ZBTB18: variants seen among roughly 807,000 people sequenced by gnomAD.
ZBTB18 encodes the protein zinc finger and BTB domain-containing protein 18.
Under a neutral mutation model 37.7 loss-of-function variants are expected in ZBTB18, and 2 were observed. That is an observed-to-expected ratio of 0.05 (90% CI 0.02 to 0.17). ZBTB18 has a LOEUF of 0.17. ZBTB18 is among the 10% of genes least tolerant of loss of function. The pLI, the probability that ZBTB18 is intolerant of heterozygous loss-of-function variation, is 1.00. For missense variants in ZBTB18, 408 were observed against 686.3 expected, an observed-to-expected ratio of 0.59 and a Z score of 4.53; for synonymous variants, 304 against 276.5, an observed-to-expected ratio of 1.10 and a Z score of -0.99.
rs368207817 is a variant in ZBTB18, at chr1:244,054,489, G to A, written c.715G>A (p.Val239Met). The change falls in exon 2 of 2, where the codon GTG becomes ATG. Residue 239 changes from valine to methionine, a missense_variant. Coordinates refer to ENST00000358704, the MANE Select transcript of ZBTB18 (RefSeq NM_205768.3). The surrounding 1 kb of genome is among the most constrained non-coding windows in gnomAD (Gnocchi z 9.0). Reference sequence around the variant, plus strand: ...TTTGTCCCAGAGGTCTGTCACCTCCGTGAGGGATTCGGCAGATGTTGACTG... The same window carrying A: ...TTTGTCCCAGAGGTCTGTCACCTCCATGAGGGATTCGGCAGATGTTGACTG... ...ESLSQRSVTS[V>M]RDSADVDCVL... 31 of 1,614,102 alleles carry A rather than the reference G, an allele frequency of 1.9e-5. No homozygotes were observed. The highest frequency in any genetic ancestry group is 1.6e-4 in the Middle Eastern group (1 of 6,084).
Position 244,051,288 on chromosome 1 carries a change from G to A in ZBTB18, c.-144G>A. 1.2e-6 allele frequency: 1 copy of A among 804,180 alleles called. No individual in the cohort carries two copies. Among genetic ancestry groups the A allele is most frequent in the Non-Finnish European group, 2.0e-6 (1 of 491,550 alleles). The allele number at this position is 804,180 out of a possible 1,614,324, so 49.8% of individuals were successfully genotyped here. Reference sequence around the variant, plus strand: ...TAACACACAGACAGGGAGTTAGTGTGTGCGGATCTGTGGTGGAGAAGGTAT... The same window carrying A: ...TAACACACAGACAGGGAGTTAGTGTATGCGGATCTGTGGTGGAGAAGGTAT... On this transcript the variant is annotated 5_prime_UTR_variant, in exon 1 of 2. In the 5' UTR this introduces an upstream ATG that the reference lacks. Transcript: ENST00000358704.
Position 244,054,590 on chromosome 1 carries a change from C to G in ZBTB18, c.816C>G (p.Asp272Glu), listed in dbSNP as rs757329510. The G allele has an allele frequency of 6.2e-7, 1 of 1,614,112 alleles. No individual in the cohort carries two copies. Among genetic ancestry groups the G allele is most frequent in the African/African-American group, 1.3e-5 (1 of 74,936 alleles). Residue 272 changes from aspartate (D) to glutamate (E), a missense_variant, in exon 2 of 2, where the codon GAC becomes GAG. Transcript: ENST00000358704. The surrounding 1 kb of genome is among the most constrained non-coding windows in gnomAD (Gnocchi z 9.0). ...ACAGCTCTTATTTCTCTTCACAGGA[C>G]GTGCTGAGAAGCAACCTGGTGCAGG... is the stretch of plus-strand genomic sequence containing the variant. ...NLNSSYFSSQ[D>E]VLRSNLVQVK...
rs1698406131 is a variant in ZBTB18, at chr1:244,054,170, G to A, written c.396G>A (p.Thr132=). The A allele has an allele frequency of 9.3e-6, 15 of 1,614,100 alleles. No individual in the cohort carries two copies. The highest frequency in any genetic ancestry group is 3.3e-5 in the South Asian group (3 of 91,076). The change falls in exon 2 of 2, where the codon ACG becomes ACA. Residue 132 remains threonine, a synonymous_variant. Transcript: ENST00000358704. This position sits in a 1 kb window ranked among gnomAD's most constrained non-coding sequence, Gnocchi z 9.0. The part of the protein sequence containing the change: ...CKKKLKEKAT[T]EADSTKKEED... The stretch of plus-strand genomic sequence containing the variant: ...AGAAGCTGAAAGAGAAAGCCACCAC[G>A]GAGGCAGACAGCACCAAAAAGGAAG...
Position 244,053,873 on chromosome 1 carries a change from T to C in ZBTB18, c.99T>C (p.Cys33=). The change falls in exon 2 of 2, where the codon TGT becomes TGC. Residue 33 remains cysteine (C), a synonymous_variant. Coordinates refer to ENST00000358704, the MANE Select transcript of ZBTB18 (RefSeq NM_205768.3). The surrounding 1 kb of genome is among the most constrained non-coding windows in gnomAD (Gnocchi z 5.2). Reference sequence around the variant, plus strand: ...AGCAGAGACACCAGGGTTTTCTTTGTGACTGCACTGTTCTGGTGGGAGATG... The same window carrying C: ...AGCAGAGACACCAGGGTTTTCTTTGCGACTGCACTGTTCTGGTGGGAGATG... ...LSEQRHQGFL[C]DCTVLVGDAQ... 3 of 1,614,182 alleles carry C rather than the reference T, an allele frequency of 1.9e-6. No homozygotes were observed. The highest frequency in any genetic ancestry group is 2.5e-6 in the Non-Finnish European group (3 of 1,180,042).
At chr1:244,052,228 C>A (rs1209743389) in intron 1 of ZBTB18, among the ~76,000 whole-genome samples, 2 of 152,214 alleles carry the variant, frequency 1.3e-5, no homozygotes, top group African/African-American at 2.4e-5. Context: ...AAGCTTCCTT[C>A]TTCGTCCCTC....
chr1:244,050,162 G>T (rs569813646), upstream of ZBTB18, among the ~76,000 whole-genome samples: 25 of 152,318 alleles, frequency 1.6e-4, no homozygotes, highest in Middle Eastern at 3.4e-3. Flanking sequence ...CTTTCTAATG[G>T]GAACGAAGTG....
chr1:244,050,182 A>C (rs1698319401), upstream of ZBTB18, among the ~76,000 whole-genome samples: 1 of 152,188 alleles, frequency 6.6e-6, no homozygotes, highest in Admixed American at 6.5e-5. Flanking sequence ...GGTTATCACC[A>C]GGGCTGGGAC....
chr1:244,055,226 C>T lies in ZBTB18; in HGVS notation c.1452C>T (p.Phe484=). ...PHACKWCERR[F]TQSGDLYRHI... ...CCTGCAAGTGGTGCGAGCGCAGGTT[C>T]ACGCAGTCCGGGGACCTGTACAGAC... The change falls in exon 2 of 2, where the codon TTC becomes TTT. Residue 484 remains phenylalanine (F), a synonymous_variant. Coordinates refer to ENST00000358704, the MANE Select transcript of ZBTB18 (RefSeq NM_205768.3). The surrounding 1 kb of genome is among the most constrained non-coding windows in gnomAD (Gnocchi z 7.0). The T allele has an allele frequency of 6.2e-7, 1 of 1,614,098 alleles. No homozygotes were observed. The highest frequency in any genetic ancestry group is 8.5e-7 in the Non-Finnish European group (1 of 1,180,016).
At position 244,054,334 on chromosome 1, in the gene ZBTB18, C is replaced by T. The variant is rs768469450; in HGVS notation, c.560C>T (p.Ala187Val). Reference protein sequence around the residue: ...NILPSKRDLAAEPGNMWMRLP... With the variant: ...NILPSKRDLAVEPGNMWMRLP... ...CTGCCCAGCAAAAGGGACTTGGCGG[C>T]CGAGCCTGGGAACATGTGGATGCGA... The change falls in exon 2 of 2, where the codon GCC becomes GTC. Residue 187 changes from alanine (A) to valine (V), a missense_variant. Physicochemically the swap from Ala to Val is moderately conservative, Grantham distance 64. Transcript: ENST00000358704. The surrounding 1 kb of genome is among the most constrained non-coding windows in gnomAD (Gnocchi z 9.0). 3 of 1,614,052 alleles carry T rather than the reference C, an allele frequency of 1.9e-6. No individual in the cohort carries two copies. The highest frequency in any genetic ancestry group is 2.5e-6 in the Non-Finnish European group (3 of 1,180,050).
rs36064435 is a variant in ZBTB18 at position 244,053,517 on chromosome 1, T to TA, written c.14-268dup. On this transcript the variant is annotated intron_variant, in intron 1 of 1. Coordinates refer to ENST00000358704, the MANE Select transcript of ZBTB18 (RefSeq NM_205768.3). This position sits in a 1 kb window ranked among gnomAD's most constrained non-coding sequence, Gnocchi z 5.2. ...CTTATTCTTAGTGAGAGACTGTAGT[T>TA]AAAGGAAGGCTTTTAGAACTTGGGT... is the stretch of plus-strand genomic sequence containing the variant. 0.22 allele frequency among the ~76,000 whole-genome samples: 33,764 copies of TA among 152,076 alleles called. 3,939 individuals carry two copies. The highest frequency in any genetic ancestry group is 0.27 in the African/African-American group (11,268 of 41,462).
rs1698445174 is a variant in ZBTB18, at chr1:244,055,455, C to G, written c.*85C>G. ...AGTTGTGGTACGGTCTAAAAGCAGT[C>G]TTGTTTCCTGGAAATAAAAAGTTGG... On this transcript the variant is annotated 3_prime_UTR_variant, in exon 2 of 2. Coordinates refer to ENST00000358704, the MANE Select transcript of ZBTB18 (RefSeq NM_205768.3). The surrounding 1 kb of genome is among the most constrained non-coding windows in gnomAD (Gnocchi z 7.0). 2.1e-6 allele frequency: 1 copy of G among 474,078 alleles called. No homozygotes were observed. The highest frequency in any genetic ancestry group is 3.1e-6 in the Non-Finnish European group (1 of 326,482). The allele number at this position is 474,078 out of a possible 1,614,324, so 29.4% of individuals were successfully genotyped here.
Position 244,051,459 on chromosome 1 carries a change from A to G in ZBTB18, c.13+15A>G. ...GTGTCCTAAAGGTAGGAGTAGCAAG[A>G]GATTAGATTGAGCATATTTCTGTTT... On this transcript the variant is annotated intron_variant, in intron 1 of 1. Transcript: ENST00000358704. 9.9e-6 allele frequency: 16 copies of G among 1,613,942 alleles called. No homozygotes were observed. The highest frequency in any genetic ancestry group is 1.4e-5 in the Non-Finnish European group (16 of 1,179,926).
In ZBTB18 at chr1:244,053,784, C is replaced by G. The variant is rs1698398535; in HGVS notation, c.14-4C>G. Reference sequence around the variant, plus strand: ...GCTCTAATGAGAAATTCCTCTCTCCCCAGGTTATGAAGACAGTATGGAGTT... The same window carrying G: ...GCTCTAATGAGAAATTCCTCTCTCCGCAGGTTATGAAGACAGTATGGAGTT... On this transcript the variant is annotated splice_polypyrimidine_tract_variant and splice_region_variant and intron_variant, in intron 1 of 1. Transcript: ENST00000358704. The surrounding 1 kb of genome is among the most constrained non-coding windows in gnomAD (Gnocchi z 5.2). The G allele has an allele frequency of 6.2e-7, 1 of 1,603,116 alleles. No individual in the cohort carries two copies. The highest frequency in any genetic ancestry group is 2.2e-5 in the East Asian group (1 of 44,650).
In ZBTB18 at chr1:244,055,731, GTTTTTTT is replaced by G. The variant is rs562378230; in HGVS notation, c.*366_*372del. ...CCCCAACAAAGTTTTTTTGTTTTTTGTTTTTTTTTTTAAGTAGAAATTCCCTCCAGTT... is the reference window on the plus strand; with the variant it reads ...CCCCAACAAAGTTTTTTTGTTTTTTGTTTTAAGTAGAAATTCCCTCCAGTT... On this transcript the variant is annotated 3_prime_UTR_variant, in exon 2 of 2. Coordinates refer to ENST00000358704, the MANE Select transcript of ZBTB18 (RefSeq NM_205768.3). This position sits in a 1 kb window ranked among gnomAD's most constrained non-coding sequence, Gnocchi z 7.0. 2 of 148,288 alleles carry G rather than the reference GTTTTTTT, an allele frequency of 1.3e-5. No individual in the cohort carries two copies. The highest frequency in any genetic ancestry group is 2.6e-5 in the African/African-American group (1 of 38,470). The allele number at this position is 148,288 out of a possible 1,614,324, so 9.2% of individuals were successfully genotyped here.
chr1:244,055,424 C>T lies in ZBTB18; in HGVS notation c.*54C>T. The T allele has an allele frequency of 3.2e-6, 2 of 626,684 alleles. No homozygotes were observed. Among genetic ancestry groups the T allele is most frequent in the Non-Finnish European group, 4.4e-6 (2 of 455,786 alleles). The allele number at this position is 626,684 out of a possible 1,614,324, so 38.8% of individuals were successfully genotyped here. A position where few individuals can be genotyped will look rare whatever the true frequency, so the allele number is the denominator to read the frequency against. On this transcript the variant is annotated 3_prime_UTR_variant, in exon 2 of 2. Transcript: ENST00000358704. This position sits in a 1 kb window ranked among gnomAD's most constrained non-coding sequence, Gnocchi z 7.0. Reference sequence around the variant, plus strand: ...TATATACATATATATAAATAGATCTCTATATAGTTGTGGTACGGTCTAAAA... The same window carrying T: ...TATATACATATATATAAATAGATCTTTATATAGTTGTGGTACGGTCTAAAA...
rs1322105144 is a variant in ZBTB18, at chr1:244,054,496, A to G, written c.722A>G (p.Asp241Gly). Residue 241 changes from aspartate (D) to glycine (G), a missense_variant, in exon 2 of 2, where the codon GAT (aspartate) becomes GGT (glycine). Physicochemically the swap from Asp to Gly is moderately conservative, Grantham distance 94 (BLOSUM62 -1). This residue lies in a region of ZBTB18 where 266 missense variants were observed against 312.0 expected (regional missense o/e 0.85). Transcript: ENST00000358704. The surrounding 1 kb of genome is among the most constrained non-coding windows in gnomAD (Gnocchi z 9.0). ...LSQRSVTSVR[D>G]SADVDCVLDL... Reference sequence around the variant, plus strand: ...CAGAGGTCTGTCACCTCCGTGAGGGATTCGGCAGATGTTGACTGTGTGCTG... The same window carrying G: ...CAGAGGTCTGTCACCTCCGTGAGGGGTTCGGCAGATGTTGACTGTGTGCTG... 1 of 1,614,220 alleles carries G rather than the reference A, an allele frequency of 6.2e-7. No homozygotes were observed. Among genetic ancestry groups the G allele is most frequent in the East Asian group, 2.2e-5 (1 of 44,868 alleles).
Position 244,056,720 on chromosome 1 carries a change from C to G in ZBTB18, c.*1350C>G, listed in dbSNP as rs1232485718. On this transcript the variant is annotated 3_prime_UTR_variant, in exon 2 of 2. Coordinates refer to ENST00000358704, the MANE Select transcript of ZBTB18 (RefSeq NM_205768.3). ...AAGATTCTATGGACTGAAAAAGCCC[C>G]AGGCTGAAAGGACTGGACTGCCTTG... 1.2e-5 allele frequency: 2 copies of G among 165,862 alleles called. No homozygotes were observed. The highest frequency in any genetic ancestry group is 2.1e-4 in the South Asian group (1 of 4,738). The allele number at this position is 165,862 out of a possible 1,614,324, so 10.3% of individuals were successfully genotyped here. A position where few individuals can be genotyped will look rare whatever the true frequency, so the allele number is the denominator to read the frequency against.
rs758871373 is a variant in ZBTB18, at chr1:244,053,846, C to T, written c.72C>T (p.Ser24=). 3.2e-5 allele frequency: 51 copies of T among 1,614,096 alleles called. No individual in the cohort carries two copies. The highest frequency in any genetic ancestry group is 2.9e-4 in the African/African-American group (22 of 74,994). ...GTAGACATTTGCTACAGTGTCTGAG[C>T]GAGCAGAGACACCAGGGTTTTCTTT... The part of the protein sequence containing the change: ...DHSRHLLQCL[S]EQRHQGFLCD... Residue 24 remains serine (S), a synonymous_variant, in exon 2 of 2, where the codon AGC becomes AGT. Transcript: ENST00000358704. The surrounding 1 kb of genome is among the most constrained non-coding windows in gnomAD (Gnocchi z 5.2).
Position 244,055,420 on chromosome 1 carries a change from A to G in ZBTB18, c.*50A>G. 1.6e-6 allele frequency: 1 copy of G among 621,716 alleles called. No homozygotes were observed. Among genetic ancestry groups the G allele is most frequent in the African/African-American group, 1.9e-5 (1 of 51,496 alleles). The allele number at this position is 621,716 out of a possible 1,614,324, so 38.5% of individuals were successfully genotyped here. ...TATATATATACATATATATAAATAG[A>G]TCTCTATATAGTTGTGGTACGGTCT... On this transcript the variant is annotated 3_prime_UTR_variant, in exon 2 of 2. Coordinates refer to ENST00000358704, the MANE Select transcript of ZBTB18 (RefSeq NM_205768.3). The surrounding 1 kb of genome is among the most constrained non-coding windows in gnomAD (Gnocchi z 7.0).
Sources: gnomAD v4.1 joint callset for allele counts (sites outside exome capture counted in the v4.1 genomes callset) on GRCh38, gnomAD v4.1.1 for gene constraint, gnomAD v4.1.1 regional missense constraint, Gnocchi (gnomAD v3.1) non-coding constraint, MANE v1.5 for transcripts, NCBI Gene and HGNC (gene_info 2026-07-23, HGNC 2026-07-21) for gene names.